The following PHACTR1 variants were observed in gnomAD, a reference collection of about 807,000 sequenced individuals.
PHACTR1 encodes the protein phosphatase and actin regulator 1, also known as RPEL repeat containing 1.
In PHACTR1, 16 loss-of-function variants were observed where a neutral mutation model predicts 69.2. That is an observed-to-expected ratio of 0.23 (90% CI 0.16 to 0.35). The LOEUF (loss-of-function observed/expected upper bound fraction) is 0.35. PHACTR1 is among the 10% of genes least tolerant of loss of function. The pLI, the probability that PHACTR1 is intolerant of heterozygous loss-of-function variation, is 1.00. For synonymous variants in PHACTR1, 312 were observed against 284.5 expected (o/e 1.10, Z -0.97); for missense variants, 510 against 734.7 (o/e 0.69, Z 3.54).
At chr6:13,172,162 G>C (rs1438862027) in intron 6 of PHACTR1, among the ~76,000 whole-genome samples, 1 of 152,192 alleles carries the variant, frequency 6.6e-6, no homozygotes, top group Non-Finnish European at 1.5e-5. Flanking sequence ...GATTCTGTGA[G>C]ATTCAGACTA....
chr6:12,992,734 A>G (rs1023701328), intron 4 of PHACTR1, among the ~76,000 whole-genome samples: 1 of 152,204 alleles, frequency 6.6e-6, no homozygotes, highest in Non-Finnish European at 1.5e-5. Flanking sequence ...AGAGAAAAGA[A>G]AAAAGCTCTC....
At chr6:12,720,543 A>G (rs373719427) in intron 3 of PHACTR1, among the ~76,000 whole-genome samples, 2 of 152,312 alleles carry the variant, frequency 1.3e-5, no homozygotes, top group East Asian at 3.9e-4. Context: ...TGGTTTAGAC[A>G]CCGGAGCTGG....
intron 6 of PHACTR1, among the ~76,000 whole-genome samples, chr6:13,174,041 T>C (rs1257994653): frequency 1.3e-5 from 2 of 152,080 alleles, no homozygotes; most frequent in Non-Finnish European, 2.9e-5. Flanking sequence ...TTTTTTTTTC[T>C]ATTCACATAG....
At chr6:12,721,069 A>G (rs906029730) in intron 3 of PHACTR1, among the ~76,000 whole-genome samples, 1 of 152,178 alleles carries the variant, frequency 6.6e-6, no homozygotes, top group Non-Finnish European at 1.5e-5. Context: ...AATCCCAGCA[A>G]AAGCCCATCC....
At chr6:12,937,829 C>T (rs1279405732) in intron 4 of PHACTR1, among the ~76,000 whole-genome samples, 1 of 152,230 alleles carries the variant, frequency 6.6e-6, no homozygotes, top group East Asian at 1.9e-4. Context: ...GGCTGGGCTC[C>T]GTGGCTCAGG....
chr6:13,226,769 C>T (rs1389651924), intron 8 of PHACTR1, among the ~76,000 whole-genome samples: 3 of 146,908 alleles, frequency 2.0e-5, no homozygotes, highest in South Asian at 2.1e-4. Context: ...GATGGAGTCT[C>T]GCTCTGTTGC....
At chr6:13,282,796 G>C (rs550058995) in intron 12 of PHACTR1, among the ~76,000 whole-genome samples, 143 of 152,266 alleles carry the variant, frequency 9.4e-4, no homozygotes, top group African/African-American at 3.3e-3. Context: ...CCTGTCACCT[G>C]GTGGGAGTAG....
At chr6:13,159,160 G>A (rs1356173575) in intron 5 of PHACTR1, among the ~76,000 whole-genome samples, 1 of 152,058 alleles carries the variant, frequency 6.6e-6, no homozygotes. Flanking sequence ...CTCCAGCCCC[G>A]CTGCCACCTT....
chr6:13,219,984 CT>C (rs1325896281), intron 8 of PHACTR1, among the ~76,000 whole-genome samples: 1 of 152,258 alleles, frequency 6.6e-6, no homozygotes, highest in East Asian at 1.9e-4. Context: ...TCACTGTGTT[CT>C]CAGAAACCTC....
intron 4 of PHACTR1, among the ~76,000 whole-genome samples, chr6:12,830,948 G>A (rs1777501680): frequency 1.3e-5 from 2 of 152,106 alleles, no homozygotes; most frequent in Non-Finnish European, 2.9e-5. Context: ...GGGGGTACAA[G>A]TATGCTTTTG....
intron 5 of PHACTR1, among the ~76,000 whole-genome samples, chr6:13,063,608 C>T (rs1395664886): frequency 7.4e-6 from 1 of 135,988 alleles, no homozygotes; most frequent in East Asian, 2.3e-4. Context: ...AGCCCATTAC[C>T]ACAAAAAAAA....
At chr6:12,917,215 T>A (rs544383608) in intron 4 of PHACTR1, among the ~76,000 whole-genome samples, 100 of 152,344 alleles carry the variant, frequency 6.6e-4, no homozygotes, top group African/African-American at 2.0e-3. Context: ...GTTTTTCAGA[T>A]CAGCCTCTCT....
chr6:12,995,349 A>G (rs1797302675), intron 4 of PHACTR1, among the ~76,000 whole-genome samples: 1 of 152,042 alleles, frequency 6.6e-6, no homozygotes, highest in South Asian at 2.1e-4. Flanking sequence ...AGACAAATAG[A>G]AAACCAAAAT....
At chr6:13,115,815 G>A (rs952191081) in intron 5 of PHACTR1, among the ~76,000 whole-genome samples, 2 of 152,146 alleles carry the variant, frequency 1.3e-5, no homozygotes, top group South Asian at 2.1e-4. Context: ...ACTGTCCACC[G>A]CAGCTCCAGC....
At chr6:12,743,099 C>A (rs568639541) in intron 3 of PHACTR1, among the ~76,000 whole-genome samples, 1 of 151,876 alleles carries the variant, frequency 6.6e-6, no homozygotes, top group African/African-American at 2.4e-5. Flanking sequence ...TGTTGCATTA[C>A]CCATTCCCTT....
Position 13,022,199 on chromosome 6 carries a change from G to A in PHACTR1, c.251-31166G>A, listed in dbSNP as rs79391720. ...CAAAGATGAACACCCAAAGCAAACCGTCAATTCATTGAAAAGTTGAAGTGG... is the reference window on the plus strand; with the variant it reads ...CAAAGATGAACACCCAAAGCAAACCATCAATTCATTGAAAAGTTGAAGTGG... On this transcript the variant is annotated intron_variant, in intron 4 of 14. Transcript: ENST00000332995. Among the ~76,000 whole-genome samples, 334 of 152,322 alleles carry A rather than the reference G, an allele frequency of 2.2e-3. 4 individuals carry two copies. The East Asian group carries it at 0.049, about 22-fold the overall frequency.
intron 4 of PHACTR1, among the ~76,000 whole-genome samples, chr6:13,043,558 T>C (rs1804541422): frequency 6.6e-6 from 1 of 152,232 alleles, no homozygotes; most frequent in Non-Finnish European, 1.5e-5. Flanking sequence ...TTTATTGGAA[T>C]ACAGACATGC....
intron 7 of PHACTR1, among the ~76,000 whole-genome samples, chr6:13,187,833 G>A (rs1045577301): frequency 2.0e-5 from 3 of 151,054 alleles, no homozygotes; most frequent in South Asian, 2.1e-4. Context: ...GCATCTGACT[G>A]ATATCAGTGA....
chr6:13,216,628 C>T (rs1767719498), intron 8 of PHACTR1, among the ~76,000 whole-genome samples: 1 of 152,212 alleles, frequency 6.6e-6, no homozygotes, highest in Non-Finnish European at 1.5e-5. Flanking sequence ...AGACATTTGT[C>T]CTTGCCCCTT....
Sources: allele counts gnomAD v4.1 joint callset (sites outside exome capture counted in the v4.1 genomes callset), GRCh38; gene constraint gnomAD v4.1.1; transcripts MANE v1.5; gene names NCBI Gene and HGNC (gene_info 2026-07-23, HGNC 2026-07-21).